PACSIN2: variants seen among roughly 807,000 people sequenced by gnomAD.
PACSIN2 encodes protein kinase C and casein kinase substrate in neurons protein 2.
PACSIN2 carries 25 observed loss-of-function variants against 63.8 expected under a neutral mutation model. The observed-to-expected ratio is 0.39, with a 90% CI of 0.29 to 0.55. The LOEUF is 0.55. PACSIN2 is among the 20% of genes least tolerant of loss of function. The probability of loss-of-function intolerance (pLI) is 0.62; values close to 1 mark genes in which losing one functional copy is unlikely to be tolerated. For synonymous variants in PACSIN2, 255 were observed against 256.2 expected, an observed-to-expected ratio of 1.00 and a Z score of 0.05; for missense variants, 518 against 646.9, an observed-to-expected ratio of 0.80 and a Z score of 2.16.
At chr22:42,910,856 TC>T (rs1475008903) in intron 2 of PACSIN2, among the ~76,000 whole-genome samples, 1 of 152,110 alleles carries the variant, frequency 6.6e-6, no homozygotes, top group East Asian at 1.9e-4. Context: ...GGGCAGGAAC[TC>T]AGTCTGTCAC....
At chr22:42,998,688 C>G (rs190931274) in intron 1 of PACSIN2, among the ~76,000 whole-genome samples, 1 of 152,226 alleles carries the variant, frequency 6.6e-6, no homozygotes, top group East Asian at 1.9e-4. Flanking sequence ...GGGCAGGGTC[C>G]CTGGTGAGAG....
At chr22:42,872,790 C>T (rs1928264887) in intron 10 of PACSIN2, among the ~76,000 whole-genome samples, 1 of 152,270 alleles carries the variant, frequency 6.6e-6, no homozygotes, top group Admixed American at 6.5e-5. Flanking sequence ...CAGCCTCCCA[C>T]TGTCGTGCCG....
chr22:42,913,369 C>T (rs1931587268), intron 1 of PACSIN2, among the ~76,000 whole-genome samples: 1 of 151,918 alleles, frequency 6.6e-6, no homozygotes, highest in Admixed American at 6.6e-5. Context: ...ATCCCAGCTA[C>T]TCAGGAGGCT....
rs527445884 is a variant in PACSIN2, at chr22:42,909,262, T to C, written c.60+2759A>G. 1.8e-4 allele frequency among the ~76,000 whole-genome samples: 27 copies of C among 152,340 alleles called. No individual in the cohort carries two copies. In the South Asian group the frequency reaches 5.6e-3, roughly 32 times the overall value. On this transcript the variant is annotated intron_variant, in intron 2 of 10. Transcript: ENST00000263246. ...TCCAAATGTCACAGCCAAAGGCTCC[T>C]GGAGGACAGGGCCACACAGAAGATG... is the stretch of plus-strand genomic sequence containing the variant.
chr22:43,010,601 T>A (rs905915916), intron 1 of PACSIN2, among the ~76,000 whole-genome samples: 1 of 151,914 alleles, frequency 6.6e-6, no homozygotes, highest in African/African-American at 2.4e-5. Context: ...TCCCAGCTAC[T>A]TGGGAGGCTG....
intron 1 of PACSIN2, among the ~76,000 whole-genome samples, chr22:42,968,401 T>TCTCC (rs1253733033): frequency 6.6e-6 from 1 of 152,140 alleles, no homozygotes; most frequent in Non-Finnish European, 1.5e-5. Flanking sequence ...ACCATTATCT[T>TCTCC]CTCCCTTCTC....
At chr22:42,924,890 G>A (rs899589032) in intron 1 of PACSIN2, among the ~76,000 whole-genome samples, 2 of 151,846 alleles carry the variant, frequency 1.3e-5, no homozygotes, top group African/African-American at 4.8e-5. Flanking sequence ...CCAAGTAGCT[G>A]GGACTACAGG....
intron 1 of PACSIN2, among the ~76,000 whole-genome samples, chr22:42,944,697 A>G (rs1210439497): frequency 1.3e-5 from 2 of 152,234 alleles, no homozygotes; most frequent in African/African-American, 4.8e-5. Flanking sequence ...AAAGGACACA[A>G]CACATCCGTT....
intron 1 of PACSIN2, among the ~76,000 whole-genome samples, chr22:42,962,613 T>C (rs1920926077): frequency 6.6e-6 from 1 of 151,650 alleles, no homozygotes; most frequent in Admixed American, 6.6e-5. Context: ...GAGGGCCACA[T>C]CCAGCACAGG....
At chr22:43,000,085 T>G (rs1923669162) in intron 1 of PACSIN2, among the ~76,000 whole-genome samples, 1 of 152,228 alleles carries the variant, frequency 6.6e-6, no homozygotes, top group Non-Finnish European at 1.5e-5. Flanking sequence ...GCAATCTGGT[T>G]GCAGAGCTCC....
chr22:42,925,924 T>C (rs878991832), intron 1 of PACSIN2, among the ~76,000 whole-genome samples: 4 of 152,150 alleles, frequency 2.6e-5, no homozygotes, highest in Admixed American at 2.0e-4. Context: ...TATTCATGTA[T>C]GTCCAGTCAG....
intron 10 of PACSIN2, among the ~76,000 whole-genome samples, chr22:42,874,272 A>G (rs1439820210): frequency 6.6e-6 from 1 of 150,470 alleles, no homozygotes; most frequent in Admixed American, 6.7e-5. Context: ...GTGAGCTATG[A>G]TCGCACCACT....
rs144934439 is a variant in PACSIN2 at position 42,960,484 on chromosome 22, A to C, written c.-77-48327T>G. 1.3e-3 allele frequency among the ~76,000 whole-genome samples: 195 copies of C among 152,314 alleles called. 1 individual carries two copies. The highest frequency in any genetic ancestry group is 4.3e-3 in the African/African-American group (177 of 41,570). On this transcript the variant is annotated intron_variant, in intron 1 of 10. Transcript: ENST00000263246. The stretch of plus-strand genomic sequence containing the variant: ...ACGACTGTCTCCTAAGAACTAGGAC[A>C]CTCAAATACGCAACTGTGATTACAT...
chr22:42,888,301 CCACACCCATT>C (rs980647417), intron 5 of PACSIN2, among the ~76,000 whole-genome samples: 2 of 152,202 alleles, frequency 1.3e-5, no homozygotes, highest in Non-Finnish European at 2.9e-5. Flanking sequence ...CTGCCACCAG[CCACACCCATT>C]CACACCCACC....
At chr22:42,917,437 T>C (rs1931885636) in intron 1 of PACSIN2, among the ~76,000 whole-genome samples, 1 of 151,936 alleles carries the variant, frequency 6.6e-6, no homozygotes, top group South Asian at 2.1e-4. Flanking sequence ...TGAGATCCCA[T>C]CTCTACAAAA....
chr22:42,931,090 G>C (rs1253387928), intron 1 of PACSIN2, among the ~76,000 whole-genome samples: 1 of 152,240 alleles, frequency 6.6e-6, no homozygotes, highest in East Asian at 1.9e-4. Flanking sequence ...GCCTATTCCA[G>C]ACGCCTGCCT....
At position 42,888,987 on chromosome 22, in the gene PACSIN2, G is replaced by T. The variant is rs571672407; in HGVS notation, c.454-189C>A. Among the ~76,000 whole-genome samples the T allele has an allele frequency of 1.6e-3, 242 of 152,242 alleles. 4 individuals are homozygous for T. Among genetic ancestry groups the T allele is most frequent in the Non-Finnish European group, 2.1e-3 (141 of 68,046 alleles). ...CTCAACACATATTCATGGAGTACTT[G>T]CTTGTCCTGTGCATGGTTCGAGGCA... On this transcript the variant is annotated intron_variant, in intron 4 of 10. Coordinates refer to ENST00000263246, the MANE Select transcript of PACSIN2 (RefSeq NM_001184970.3).
intron 1 of PACSIN2, among the ~76,000 whole-genome samples, chr22:42,953,665 C>G (rs1933796171): frequency 1.3e-5 from 2 of 152,162 alleles, no homozygotes; most frequent in Admixed American, 1.3e-4. Context: ...CCATTGTCTT[C>G]ATTTTATAGC....
chr22:42,945,695 C>G (rs1373710394), intron 1 of PACSIN2: 1 of 152,416 alleles, frequency 6.6e-6, no homozygotes, highest in Non-Finnish European at 1.5e-5. Flanking sequence ...CTCTTGAATC[C>G]TCCCACTTGG....
Sources: allele counts gnomAD v4.1 joint callset (sites outside exome capture counted in the v4.1 genomes callset), GRCh38; gene constraint gnomAD v4.1.1; transcripts MANE v1.5; gene names NCBI Gene and HGNC (gene_info 2026-07-23, HGNC 2026-07-21).